COX7B2: variants seen among roughly 807,000 people sequenced by gnomAD.
COX7B2 encodes the protein cytochrome c oxidase subunit 7B2, mitochondrial.
For missense variants in COX7B2, 109 were observed against 95.9 expected, an observed-to-expected ratio of 1.14 and a Z score of -0.57; for synonymous variants, 37 against 32.1, an observed-to-expected ratio of 1.15 and a Z score of -0.51.
intron 2 of COX7B2, among the ~76,000 whole-genome samples, chr4:46,747,528 T>C (rs1715097286): frequency 6.6e-6 from 1 of 152,000 alleles, no homozygotes; most frequent in Non-Finnish European, 1.5e-5. Context: ...GGTCTTGAAC[T>C]CTTGACCTCG....
chr4:46,880,962 G>A (rs1163626270), intron 1 of COX7B2, among the ~76,000 whole-genome samples: 12 of 133,824 alleles, frequency 9.0e-5, no homozygotes, highest in Non-Finnish European at 3.1e-5. Flanking sequence ...CCTGCACAAT[G>A]TGCACATGTA....
chr4:46,793,495 A>G (rs1413381041), intron 2 of COX7B2, among the ~76,000 whole-genome samples: 1 of 152,170 alleles, frequency 6.6e-6, no homozygotes, highest in Non-Finnish European at 1.5e-5. Context: ...GCTCTGTCAC[A>G]AGGAACTGGG....
In COX7B2 at chr4:46,782,936, T is replaced by C. The variant is rs139699176; in HGVS notation, c.-49-47695A>G. Among the ~76,000 whole-genome samples, 46 of 152,054 alleles carry C rather than the reference T, an allele frequency of 3.0e-4. No individual in the cohort carries two copies. In the East Asian group the frequency reaches 8.1e-3, roughly 27 times the overall value. On this transcript the variant is annotated intron_variant, in intron 2 of 2. Transcript: ENST00000355591. ...AACACTCACCGTGAGGGTCCGCGGC[T>C]TCATTCTTGAAGTCAGCAAAACCAA...
At chr4:46,887,632 A>G (rs1003571014) in intron 1 of COX7B2, among the ~76,000 whole-genome samples, 1 of 148,412 alleles carries the variant, frequency 6.7e-6, no homozygotes, top group Non-Finnish European at 1.5e-5. Context: ...AATGGCATGA[A>G]CCCGGAAGGC....
At chr4:46,840,840 T>C (rs1197810725) in intron 2 of COX7B2, among the ~76,000 whole-genome samples, 1 of 151,900 alleles carries the variant, frequency 6.6e-6, no homozygotes, top group Non-Finnish European at 1.5e-5. Context: ...TGTATGCTTG[T>C]GCAGTGGGAA....
chr4:46,735,082 T>A lies in COX7B2; in HGVS notation c.111A>T (p.Lys37Asn). Residue 37 changes from lysine (K) to asparagine (N), a missense_variant, in exon 3 of 3, where the codon AAA becomes AAT. Physicochemically the swap from Lys to Asn is moderately conservative, Grantham distance 94 (BLOSUM62 0). Transcript: ENST00000355591. ...CACTGGCTAGCACAGCATTACCATA[T>A]TTATCATGAAAATCTGGTGAGTGTT... is the stretch of plus-strand genomic sequence containing the variant. ...HVKHSPDFHD[K>N]YGNAVLASGT... 6.2e-7 allele frequency: 1 copy of A among 1,614,020 alleles called. No homozygotes were observed. The highest frequency in any genetic ancestry group is 1.1e-5 in the South Asian group (1 of 91,058).
At chr4:46,771,183 T>C (rs563884249) in intron 2 of COX7B2, among the ~76,000 whole-genome samples, 6 of 152,262 alleles carry the variant, frequency 3.9e-5, no homozygotes, top group Non-Finnish European at 8.8e-5. Context: ...ATAGAAGACA[T>C]GCAAACTGCT....
At chr4:46,790,386 C>T (rs996922393) in intron 2 of COX7B2, among the ~76,000 whole-genome samples, 1 of 152,182 alleles carries the variant, frequency 6.6e-6, no homozygotes, top group African/African-American at 2.4e-5. Context: ...CTCATACATA[C>T]ATCAGTGCTT....
At chr4:46,758,492 T>A (rs2109462030) in intron 2 of COX7B2, among the ~76,000 whole-genome samples, 1 of 152,096 alleles carries the variant, frequency 6.6e-6, no homozygotes, top group East Asian at 1.9e-4. Flanking sequence ...TATATTTCCA[T>A]CACCAAAAGT....
intron 2 of COX7B2, among the ~76,000 whole-genome samples, chr4:46,751,975 G>A (rs1291193385): frequency 6.6e-6 from 1 of 152,076 alleles, no homozygotes; most frequent in Admixed American, 6.6e-5. Flanking sequence ...GTAGCTTGAT[G>A]GGGATGGCAT....
At chr4:46,787,680 A>T (rs1717823045) in intron 2 of COX7B2, among the ~76,000 whole-genome samples, 1 of 152,178 alleles carries the variant, frequency 6.6e-6, no homozygotes, top group Non-Finnish European at 1.5e-5. Context: ...GGGCTAAGGA[A>T]ACAGTGTCTA....
At chr4:46,822,474 C>T (rs557203360) in intron 2 of COX7B2, among the ~76,000 whole-genome samples, 62 of 152,056 alleles carry the variant, frequency 4.1e-4, no homozygotes, top group African/African-American at 1.5e-3. Context: ...TTTTTTCTTC[C>T]TCACATGACC....
chr4:46,864,737 C>T (rs945057765), intron 1 of COX7B2, among the ~76,000 whole-genome samples: 3 of 152,090 alleles, frequency 2.0e-5, no homozygotes, highest in East Asian at 1.9e-4. Context: ...CTCCACCTCC[C>T]GGGTTCACGC....
chr4:46,834,431 T>C (rs538666116), intron 2 of COX7B2, among the ~76,000 whole-genome samples: 5 of 152,110 alleles, frequency 3.3e-5, no homozygotes, highest in African/African-American at 1.2e-4. Context: ...ATAATGTCAA[T>C]AGCATTAAAA....
chr4:46,788,123 CGTAGTAGAGTA>C lies in COX7B2; in HGVS notation c.-49-52893_-49-52883del, dbSNP rs372724143. ...ACAAGAGAAAAAAAGTAAAGGAAAA[CGTAGTAGAGTA>C]GTAGTAGAGTAAAACAAAGTATGAG... On this transcript the variant is annotated intron_variant, in intron 2 of 2. Transcript: ENST00000355591. 1.2e-3 allele frequency among the ~76,000 whole-genome samples: 187 copies of C among 152,012 alleles called. 1 individual carries two copies. Among genetic ancestry groups the C allele is most frequent in the African/African-American group, 4.3e-3 (177 of 41,442 alleles).
At chr4:46,804,156 G>A (rs1016684475) in intron 2 of COX7B2, among the ~76,000 whole-genome samples, 7 of 152,104 alleles carry the variant, frequency 4.6e-5, no homozygotes, top group Admixed American at 2.0e-4. Flanking sequence ...GTTGTTCCTC[G>A]CGGTGGGTTC....
intron 2 of COX7B2, among the ~76,000 whole-genome samples, chr4:46,806,578 TATACA>T (rs1405453503): frequency 6.6e-6 from 1 of 152,086 alleles, no homozygotes; most frequent in Non-Finnish European, 1.5e-5. Flanking sequence ...ATGAATCCTG[TATACA>T]ATACAATTTT....
chr4:46,852,270 T>G (rs1364423663), intron 1 of COX7B2, among the ~76,000 whole-genome samples: 2 of 152,156 alleles, frequency 1.3e-5, no homozygotes, highest in Non-Finnish European at 2.9e-5. Context: ...AATTTGTTCA[T>G]TAGGAGCTCC....
At chr4:46,849,836 G>T (rs776131713) in intron 1 of COX7B2, among the ~76,000 whole-genome samples, 3 of 151,656 alleles carry the variant, frequency 2.0e-5, no homozygotes, top group African/African-American at 7.3e-5. Flanking sequence ...ATCCCTCCCC[G>T]CTCCCCTCAC....
Sources: gnomAD v4.1 joint callset for allele counts (sites outside exome capture counted in the v4.1 genomes callset) on GRCh38, gnomAD v4.1.1 for gene constraint, MANE v1.5 for transcripts, NCBI Gene and HGNC (gene_info 2026-07-23, HGNC 2026-07-21) for gene names.